Variants in ZNF792 observed in about 807,000 individuals in gnomAD.
ZNF792 encodes the protein zinc finger protein 792.
ZNF792 carries 14 observed loss-of-function variants against 13.1 expected under a neutral mutation model. The ratio of observed to expected loss-of-function variants is 1.07; its 90% CI spans 0.71 to 1.67. ZNF792 has a LOEUF of 1.67. ZNF792 is among the 40% of genes most tolerant of loss of function. The pLI, the probability that ZNF792 is intolerant of heterozygous loss-of-function variation, is 0.00. For missense variants in ZNF792, 740 were observed against 807.9 expected, an observed-to-expected ratio of 0.92 and a Z score of 1.02; for synonymous variants, 257 against 292.0, an observed-to-expected ratio of 0.88 and a Z score of 1.22.
chr19:34,963,555 C>T (rs181712515), intron 1 of ZNF792, 75 bp downstream of exon 1: 16,416 of 1,555,818 alleles, frequency 0.011, 134 homozygotes, highest in South Asian at 0.025. Context: ...AGAACAAAGC[C>T]ATCTTTTGCG....
intron 3 of ZNF792, among the ~76,000 whole-genome samples, chr19:34,959,902 C>T (rs2013500374): frequency 6.6e-6 from 1 of 152,118 alleles, no homozygotes; most frequent in Admixed American, 6.5e-5. Flanking sequence ...GCATCTAGAC[C>T]CAGCAAAACC....
chr19:34,962,405 G>C (rs945804968), intron 1 of ZNF792, among the ~76,000 whole-genome samples: 1 of 152,230 alleles, frequency 6.6e-6, no homozygotes, highest in African/African-American at 2.4e-5. Flanking sequence ...GGGTGAACTA[G>C]AAGTGGGCAT....
chr19:34,959,717 C>T (rs901965795), intron 3 of ZNF792, 146 bp from the exon 4 acceptor site: 17 of 878,386 alleles, frequency 1.9e-5, no homozygotes, highest in Middle Eastern at 3.5e-4. Flanking sequence ...GAATAATCTG[C>T]TCCGCCATAC....
intron 1 of ZNF792, among the ~76,000 whole-genome samples, chr19:34,961,759 C>CA (rs1471950392): frequency 6.6e-6 from 1 of 152,218 alleles, no homozygotes; most frequent in African/African-American, 2.4e-5. Context: ...ATCCTACCCC[C>CA]ACCCACCTAA....
At chr19:34,959,924 A>G (rs889370691) in intron 3 of ZNF792, among the ~76,000 whole-genome samples, 43 of 152,224 alleles carry the variant, frequency 2.8e-4, no homozygotes, top group African/African-American at 9.9e-4. Context: ...GCAACTGAGT[A>G]GCTGGTGTTC....
intron 1 of ZNF792, among the ~76,000 whole-genome samples, chr19:34,962,556 T>A (rs2651077): frequency 0.57 from 86,708 of 151,988 alleles, 25,170 homozygotes; most frequent in African/African-American, 0.67. Context: ...TTATTGTTTT[T>A]ACTTCCTGGA....
At position 34,959,241 on chromosome 19, in the gene ZNF792, G is replaced by A. The variant is rs1891148089; in HGVS notation, c.614C>T (p.Thr205Ile). ...ASPVKTCRDH[T>I]SDQLSTCREG... is the part of the protein sequence containing the mutation. ...CCTGCAGGTGGAAAGCTGATCTGAT[G>A]TGTGGTCTCTGCAGGTCTTTACAGG... The change falls in exon 4 of 4, where the codon ACA (threonine) becomes ATA (isoleucine). Residue 205 changes from threonine (T) to isoleucine (I), a missense_variant. Physicochemically the swap from Thr to Ile is moderately conservative, Grantham distance 89. Coordinates refer to ENST00000404801, the MANE Select transcript of ZNF792 (RefSeq NM_175872.5). 6.2e-7 allele frequency: 1 copy of A among 1,613,928 alleles called. No homozygotes were observed. Among genetic ancestry groups the A allele is most frequent in the South Asian group, 1.1e-5 (1 of 91,094 alleles).
Position 34,959,272 on chromosome 19 carries a change from C to T in ZNF792, c.583G>A (p.Ala195Thr). 2 of 1,614,026 alleles carry T rather than the reference C, an allele frequency of 1.2e-6. No individual in the cohort carries two copies. Among genetic ancestry groups the T allele is most frequent in the South Asian group, 2.2e-5 (2 of 91,078 alleles). ...HNPIRTEEGQ[A>T]SPVKTCRDHT... ...TCTCTGCAGGTCTTTACAGGGGAAGCCTGGCCCTCCTCCGTTCTGATAGGG... is the reference window on the plus strand; with the variant it reads ...TCTCTGCAGGTCTTTACAGGGGAAGTCTGGCCCTCCTCCGTTCTGATAGGG... The change falls in exon 4 of 4, where the codon GCT (alanine) becomes ACT (threonine). Residue 195 changes from alanine (A) to threonine (T), a missense_variant. Ala to Thr is a moderately conservative substitution (Grantham distance 58). Coordinates refer to ENST00000404801, the MANE Select transcript of ZNF792 (RefSeq NM_175872.5).
At chr19:34,960,395 G>A (rs780538632) in intron 2 of ZNF792, 38 bp from the exon 3 acceptor site, 92 of 1,603,024 alleles carry the variant, frequency 5.7e-5, no homozygotes, top group Admixed American at 8.4e-5. Flanking sequence ...GCCAGCACCT[G>A]CCCAGTTGAA....
intron 1 of ZNF792, 134 bp from the exon 2 acceptor site, chr19:34,961,128 T>A: frequency 1.6e-6 from 2 of 1,279,178 alleles, no homozygotes; most frequent in Non-Finnish European, 2.2e-6. Context: ...GCGCCTCATG[T>A]GACCACTGTG....
At position 34,957,025 on chromosome 19, in the gene ZNF792, T is replaced by C. The variant is rs79483658; in HGVS notation, c.*931A>G. ...TTGCTATAATCTCGCCTACTCCCTA[T>C]TAATCACATCCAGTGTTTCTGTACA... is the stretch of plus-strand genomic sequence containing the variant. On this transcript the variant is annotated 3_prime_UTR_variant, in exon 4 of 4. Coordinates refer to ENST00000404801, the MANE Select transcript of ZNF792 (RefSeq NM_175872.5). 1 of 152,340 alleles carries C rather than the reference T, an allele frequency of 6.6e-6. No homozygotes were observed. Among genetic ancestry groups the C allele is most frequent in the Non-Finnish European group, 1.5e-5 (1 of 68,028 alleles). The allele number at this position is 152,340 out of a possible 1,614,324, so 9.4% of individuals were successfully genotyped here. A position where few individuals can be genotyped will look rare whatever the true frequency, so the allele number is the denominator to read the frequency against.
At position 34,958,692 on chromosome 19, in the gene ZNF792, T is replaced by C. The variant is rs1319946474; in HGVS notation, c.1163A>G (p.His388Arg). The change falls in exon 4 of 4, where the codon CAT becomes CGT. Residue 388 changes from histidine (H) to arginine (R), a missense_variant. Coordinates refer to ENST00000404801, the MANE Select transcript of ZNF792 (RefSeq NM_175872.5). ...RSNLIHHKRV[H>R]TGRSAHECSE... Reference sequence around the variant, plus strand: ...GCACTCATGGGCACTTCTGCCCGTATGAACCCTCTTATGATGAATGAGGTT... The same window carrying C: ...GCACTCATGGGCACTTCTGCCCGTACGAACCCTCTTATGATGAATGAGGTT... 6.2e-7 allele frequency: 1 copy of C among 1,614,062 alleles called. No homozygotes were observed. Among genetic ancestry groups the C allele is most frequent in the Non-Finnish European group, 8.5e-7 (1 of 1,180,000 alleles).
intron 3 of ZNF792, 31 bp from the exon 4 acceptor site, chr19:34,959,602 T>C: frequency 6.6e-7 from 1 of 1,513,786 alleles, no homozygotes; most frequent in Non-Finnish European, 8.8e-7. Flanking sequence ...GTGAAGTTCG[T>C]ATAAACTTTA....
intron 2 of ZNF792, 51 bp downstream of exon 2, chr19:34,960,817 G>A (rs1600243663): frequency 6.2e-7 from 1 of 1,613,076 alleles, no homozygotes; most frequent in East Asian, 2.2e-5. Flanking sequence ...TTGGGCAAAG[G>A]GGACAGGCAG....
intron 1 of ZNF792, among the ~76,000 whole-genome samples, chr19:34,962,039 T>C (rs1026261410): frequency 6.8e-4 from 103 of 152,240 alleles, no homozygotes; most frequent in African/African-American, 2.3e-3. Context: ...ACCACTACTG[T>C]TCCTCACCTG....
In ZNF792 at chr19:34,959,111, G is replaced by A. The variant is rs770928584; in HGVS notation, c.744C>T (p.His248=). The part of the protein sequence containing the change: ...HEATEGVVDF[H]IALRHNKCCE... ...AGCACTTGTTATGCCTTAGTGCAAT[G>A]TGAAAATCCACCACACCTTCGGTGG... The change falls in exon 4 of 4, where the codon CAC becomes CAT. Residue 248 remains histidine, a synonymous_variant. Transcript: ENST00000404801. 102 of 1,613,832 alleles carry A rather than the reference G, an allele frequency of 6.3e-5. No homozygotes were observed. Among genetic ancestry groups the A allele is most frequent in the Non-Finnish European group, 8.2e-5 (97 of 1,179,808 alleles).
chr19:34,957,865 A>G lies in ZNF792; in HGVS notation c.*91T>C, dbSNP rs961131510. ...AGTGTGTGGTGCTGACATGGCTTCTATCACAACCCCAGCAGTGAAAAAACG... is the reference window on the plus strand; with the variant it reads ...AGTGTGTGGTGCTGACATGGCTTCTGTCACAACCCCAGCAGTGAAAAAACG... On this transcript the variant is annotated 3_prime_UTR_variant, in exon 4 of 4. Transcript: ENST00000404801. The G allele has an allele frequency of 3.7e-6, 5 of 1,338,236 alleles. No individual in the cohort carries two copies. The highest frequency in any genetic ancestry group is 5.0e-6 in the Non-Finnish European group (5 of 993,146). 82.9% of individuals were successfully genotyped at this position (1,338,236 alleles called of 1,614,324 possible). A position where few individuals can be genotyped will look rare whatever the true frequency, so the allele number is the denominator to read the frequency against.
Position 34,963,926 on chromosome 19 carries a change from G to A in ZNF792, c.-264C>T. 2 of 447,682 alleles carry A rather than the reference G, an allele frequency of 4.5e-6. No homozygotes were observed. The highest frequency in any genetic ancestry group is 7.9e-6 in the Non-Finnish European group (2 of 254,050). 27.7% of individuals were successfully genotyped at this position (447,682 alleles called of 1,614,324 possible). ...TCACGGCTGGTGCAAAGGCGCGGAG[G>A]GGGTCCCGGCCTCACTGTCCCCCTC... On this transcript the variant is annotated 5_prime_UTR_variant, in exon 1 of 4. Transcript: ENST00000404801.
intron 2 of ZNF792, 29 bp from the exon 3 acceptor site, chr19:34,960,386 C>G (rs746368640): frequency 1.9e-6 from 3 of 1,606,536 alleles, no homozygotes; most frequent in Admixed American, 3.4e-5. Flanking sequence ...GGGTCAGTGG[C>G]CAGCACCTGC....
Sources: allele counts gnomAD v4.1 joint callset (sites outside exome capture counted in the v4.1 genomes callset), GRCh38; gene constraint gnomAD v4.1.1; transcripts MANE v1.5; gene names NCBI Gene and HGNC (gene_info 2026-07-23, HGNC 2026-07-21).